CTNNA3: variants seen among roughly 807,000 people sequenced by gnomAD.
CTNNA3 encodes the protein catenin alpha-3.
CTNNA3 carries 76 observed loss-of-function variants against 95.7 expected under a neutral mutation model. That is an observed-to-expected ratio of 0.79 (90% confidence interval 0.66 to 0.96). The LOEUF is 0.96. CTNNA3 is among the 40% of genes least tolerant of loss of function. The pLI is 0.00. For missense variants in CTNNA3, 1,191 were observed against 1,089.8 expected (o/e 1.09, Z -1.31); for synonymous variants, 431 against 374.4 (o/e 1.15, Z -1.74).
At chr10:67,606,091 G>A (rs1843264072) in intron 3 of CTNNA3, among the ~76,000 whole-genome samples, 2 of 152,178 alleles carry the variant, frequency 1.3e-5, no homozygotes, top group Admixed American at 6.5e-5. Flanking sequence ...TACGTTGGGG[G>A]ATTGAGGGAG....
intron 5 of CTNNA3, among the ~76,000 whole-genome samples, chr10:67,303,906 C>T (rs1589144966): frequency 1.3e-5 from 2 of 152,182 alleles, no homozygotes; most frequent in South Asian, 4.1e-4. Flanking sequence ...ATAATCTAAG[C>T]TCCATTCACC....
chr10:67,573,002 T>C lies in CTNNA3; in HGVS notation c.293-33333A>G, dbSNP rs571015992. On this transcript the variant is annotated intron_variant, in intron 3 of 17. Transcript: ENST00000433211. Reference sequence around the variant, plus strand: ...TACTCAGGAGGCTGAGGTGGGAGGATCACTTGAGCCTGAGAGGTTGAGGCT... The same window carrying C: ...TACTCAGGAGGCTGAGGTGGGAGGACCACTTGAGCCTGAGAGGTTGAGGCT... Among the ~76,000 whole-genome samples the C allele has an allele frequency of 2.6e-5, 4 of 152,234 alleles. No individual in the cohort carries two copies. The East Asian group carries it at 7.7e-4, about 29-fold the overall frequency.
At chr10:67,601,099 T>C (rs552218472) in intron 3 of CTNNA3, among the ~76,000 whole-genome samples, 8 of 152,310 alleles carry the variant, frequency 5.3e-5, no homozygotes, top group African/African-American at 1.7e-4. Context: ...CATGAGTGTG[T>C]TCACTATGTG....
At chr10:67,491,808 G>T (rs1848655798) in intron 5 of CTNNA3, among the ~76,000 whole-genome samples, 1 of 152,006 alleles carries the variant, frequency 6.6e-6, no homozygotes, top group African/African-American at 2.4e-5. Flanking sequence ...GGGTGAATTT[G>T]AATGCAAGAT....
At chr10:66,602,382 T>A (rs912773690) in intron 10 of CTNNA3, among the ~76,000 whole-genome samples, 17 of 151,914 alleles carry the variant, frequency 1.1e-4, no homozygotes, top group Admixed American at 2.6e-4. Context: ...AAGCTTTTTT[T>A]AAAAAAACTG....
intron 9 of CTNNA3, among the ~76,000 whole-genome samples, chr10:66,723,232 C>T (rs1750817380): frequency 1.3e-5 from 2 of 152,270 alleles, no homozygotes; most frequent in African/African-American, 4.8e-5. Context: ...CTATGAGATA[C>T]ATGATAGTTG....
intron 13 of CTNNA3, among the ~76,000 whole-genome samples, chr10:66,180,431 G>A (rs2131854811): frequency 6.6e-6 from 1 of 152,272 alleles, no homozygotes; most frequent in Admixed American, 6.5e-5. Flanking sequence ...GAAGAGTTTT[G>A]TAGCTCTAAT....
intron 5 of CTNNA3, among the ~76,000 whole-genome samples, chr10:67,310,457 A>C (rs2132523709): frequency 6.6e-6 from 1 of 152,300 alleles, no homozygotes; most frequent in African/African-American, 2.4e-5. Flanking sequence ...AAGAGGAAAA[A>C]ATCAACACAG....
chr10:66,425,748 T>G (rs942615183), intron 11 of CTNNA3, among the ~76,000 whole-genome samples: 3 of 152,048 alleles, frequency 2.0e-5, no homozygotes, highest in Non-Finnish European at 4.4e-5. Context: ...TATCAAAGTT[T>G]AATGTATACA....
At chr10:66,917,943 C>T (rs1378885205) in intron 7 of CTNNA3, among the ~76,000 whole-genome samples, 1 of 151,906 alleles carries the variant, frequency 6.6e-6, no homozygotes, top group East Asian at 1.9e-4. Flanking sequence ...TTTTATAGTC[C>T]CTCTAAAAGT....
chr10:66,145,323 T>C (rs560738157), intron 13 of CTNNA3, among the ~76,000 whole-genome samples: 10 of 152,278 alleles, frequency 6.6e-5, no homozygotes, highest in African/African-American at 2.2e-4. Flanking sequence ...CACCATATCA[T>C]GTACAGGTAA....
intron 9 of CTNNA3, among the ~76,000 whole-genome samples, chr10:66,700,820 A>G (rs1240056222): frequency 1.3e-5 from 2 of 152,206 alleles, no homozygotes. Flanking sequence ...CCTGTGATCT[A>G]GAATACATAA....
At position 66,192,160 on chromosome 10, in the gene CTNNA3, C is replaced by G. The variant is rs77757959; in HGVS notation, c.1884+88310G>C. Among the ~76,000 whole-genome samples the G allele has an allele frequency of 8.5e-5, 13 of 152,196 alleles. No individual in the cohort carries two copies. The East Asian group carries it at 2.5e-3, about 29-fold the overall frequency. ...CAAAACAAACCAAGATAGATCTGAA[C>G]AGTAAAAACCCCAGAGTGGTAAAAT... On this transcript the variant is annotated intron_variant, in intron 13 of 17. Coordinates refer to ENST00000433211, the MANE Select transcript of CTNNA3 (RefSeq NM_013266.4).
At chr10:66,686,132 G>A (rs538437672) in intron 9 of CTNNA3, among the ~76,000 whole-genome samples, 7 of 152,250 alleles carry the variant, frequency 4.6e-5, no homozygotes, top group Non-Finnish European at 7.4e-5. Flanking sequence ...GTCAGCATGC[G>A]GATCCTGCTC....
intron 5 of CTNNA3, among the ~76,000 whole-genome samples, chr10:67,456,630 A>G (rs1847182591): frequency 6.6e-6 from 1 of 152,182 alleles, no homozygotes; most frequent in Non-Finnish European, 1.5e-5. Flanking sequence ...CTGTATGAAC[A>G]TGAGCAGTGT....
intron 11 of CTNNA3, among the ~76,000 whole-genome samples, chr10:66,484,262 A>G (rs370567678): frequency 2.0e-5 from 3 of 152,004 alleles, no homozygotes; most frequent in African/African-American, 7.3e-5. Flanking sequence ...TTCAAGAAGC[A>G]AACTACACTG....
At chr10:66,051,124 C>T (rs149481362) in intron 15 of CTNNA3, among the ~76,000 whole-genome samples, 2 of 152,282 alleles carry the variant, frequency 1.3e-5, no homozygotes, top group Middle Eastern at 3.4e-3. Flanking sequence ...ATCCTCCCAT[C>T]TTAGCCTCCC....
intron 10 of CTNNA3, among the ~76,000 whole-genome samples, chr10:66,530,948 A>C (rs539851969): frequency 1.3e-5 from 2 of 152,278 alleles, no homozygotes; most frequent in South Asian, 4.1e-4. Context: ...CGTATCTCAT[A>C]AAACATACTG....
At chr10:66,913,200 C>CT (rs1846301051) in intron 7 of CTNNA3, among the ~76,000 whole-genome samples, 1 of 119,052 alleles carries the variant, frequency 8.4e-6, no homozygotes, top group Non-Finnish European at 1.6e-5. Flanking sequence ...GATCGCGCCA[C>CT]TGCAGTCCGG....
Sources: allele counts gnomAD v4.1 joint callset (sites outside exome capture counted in the v4.1 genomes callset), GRCh38; gene constraint gnomAD v4.1.1; transcripts MANE v1.5; gene names NCBI Gene and HGNC (gene_info 2026-07-23, HGNC 2026-07-21).